The following ACBD5 variants were observed in gnomAD, a reference collection of about 807,000 sequenced individuals.
ACBD5 encodes the protein acyl-CoA-binding domain-containing protein 5.
Under a neutral mutation model 71.8 loss-of-function variants are expected in ACBD5, and 40 were observed. That is an observed-to-expected ratio of 0.56 (90% CI 0.43 to 0.72). The LOEUF (loss-of-function observed/expected upper bound fraction) is 0.72. Among genes scored for constraint, ACBD5 ranks in the 30% least tolerant of loss-of-function variants. The pLI, the probability that ACBD5 is intolerant of heterozygous loss-of-function variation, is 0.00. For missense variants in ACBD5, 559 were observed against 644.5 expected, an observed-to-expected ratio of 0.87 and a Z score of 1.44; for synonymous variants, 229 against 218.6, an observed-to-expected ratio of 1.05 and a Z score of -0.42.
chr10:27,190,895 T>C (rs76659596), downstream of ACBD5, among the ~76,000 whole-genome samples: 26 of 152,300 alleles, frequency 1.7e-4, 1 homozygote, highest in East Asian at 5.0e-3. Flanking sequence ...ACCTAACTTC[T>C]GGCTTGAGCA....
chr10:27,195,578 C>T lies in ACBD5; in HGVS notation c.*1852G>A, dbSNP rs1440653658. 2 of 449,786 alleles carry T rather than the reference C, an allele frequency of 4.4e-6. No homozygotes were observed. Among genetic ancestry groups the T allele is most frequent in the Non-Finnish European group, 8.9e-6 (2 of 225,330 alleles). 27.9% of individuals were successfully genotyped at this position (449,786 alleles called of 1,614,324 possible). ...TTGATATCTCATTTTTGAAAATAAT[C>T]TTTGATCCACAGGTCTAAATGTTAT... On this transcript the variant is annotated 3_prime_UTR_variant, in exon 13 of 13. Transcript: ENST00000396271.
chr10:27,216,248 C>G (rs1034501750), intron 7 of ACBD5, among the ~76,000 whole-genome samples: 4 of 152,046 alleles, frequency 2.6e-5, no homozygotes, highest in African/African-American at 9.7e-5. Flanking sequence ...TCAAGTGATT[C>G]TCCTGCCTCA....
chr10:27,229,955 G>A (rs919913729), intron 4 of ACBD5, among the ~76,000 whole-genome samples: 1 of 152,118 alleles, frequency 6.6e-6, no homozygotes, highest in African/African-American at 2.4e-5. Context: ...AATACACATT[G>A]CCTCATCGTC....
At chr10:27,195,071 C>A, downstream of ACBD5, 1 of 256,752 alleles carries the variant, frequency 3.9e-6, no homozygotes, top group South Asian at 4.1e-5. Flanking sequence ...AAATTTCATC[C>A]CAGTTTCTGA....
chr10:27,182,955 A>G (rs2058411883), intron 13 of ACBD5, among the ~76,000 whole-genome samples: 1 of 152,074 alleles, frequency 6.6e-6, no homozygotes, highest in African/African-American at 2.4e-5. Context: ...TCCTAAAACA[A>G]TCTTGTTAGT....
intron 3 of ACBD5, chr10:27,232,291 A>C (rs990208562): frequency 2.0e-5 from 3 of 152,160 alleles, no homozygotes; most frequent in African/African-American, 7.3e-5. Context: ...GCCTGCTAGA[A>C]AAATTCTAAA....
In ACBD5 at chr10:27,240,291, G is replaced by C. The variant is rs372583233; in HGVS notation, c.181+28C>G. ...GGCTTTGGGGCTCTCTGCAGGAGGCGTCTACAGCCGGGGCCCAGCGCACGT... is the reference window on the plus strand; with the variant it reads ...GGCTTTGGGGCTCTCTGCAGGAGGCCTCTACAGCCGGGGCCCAGCGCACGT... On this transcript the variant is annotated intron_variant, in intron 2 of 12. Coordinates refer to ENST00000396271, the MANE Select transcript of ACBD5 (RefSeq NM_145698.5). The surrounding 1 kb of genome is among the most constrained non-coding windows in gnomAD (Gnocchi z 4.1). 3.1e-6 allele frequency: 5 copies of C among 1,613,894 alleles called. No homozygotes were observed. The African/African-American group carries it at 6.7e-5, about 22-fold the overall frequency.
intron 5 of ACBD5, chr10:27,220,489 T>C (rs1288548969): frequency 6.5e-6 from 1 of 152,684 alleles, no homozygotes; most frequent in Non-Finnish European, 1.5e-5. Flanking sequence ...GATTCTGAAT[T>C]AGTATGTCTA....
intron 4 of ACBD5, among the ~76,000 whole-genome samples, chr10:27,229,193 C>T (rs1324647588): frequency 1.3e-5 from 2 of 151,998 alleles, no homozygotes; most frequent in African/African-American, 4.8e-5. Context: ...TATGAAAAGT[C>T]ACTTTCTACA....
intron 4 of ACBD5, among the ~76,000 whole-genome samples, chr10:27,231,510 C>T (rs577674272): frequency 1.3e-5 from 2 of 152,244 alleles, no homozygotes; most frequent in Admixed American, 6.5e-5. Context: ...GAGAAAGACT[C>T]CATCTCAAAA....
chr10:27,202,912 G>A (rs1024280691), intron 12 of ACBD5, among the ~76,000 whole-genome samples: 1 of 148,904 alleles, frequency 6.7e-6, no homozygotes, highest in Non-Finnish European at 1.5e-5. Flanking sequence ...CATCATAGGA[G>A]GAATTGAAAA....
downstream of ACBD5, among the ~76,000 whole-genome samples, chr10:27,193,744 A>C (rs565932093): frequency 5.3e-4 from 81 of 152,326 alleles, no homozygotes; most frequent in African/African-American, 1.9e-3. Flanking sequence ...GGGAGAAAGA[A>C]AGACAGGAGG....
chr10:27,200,743 G>C (rs1031894581), intron 12 of ACBD5, among the ~76,000 whole-genome samples: 6 of 152,186 alleles, frequency 3.9e-5, no homozygotes, highest in African/African-American at 1.2e-4. Flanking sequence ...ACAGGCGTGA[G>C]CCACCGCGTC....
chr10:27,240,413 G>C lies in ACBD5; in HGVS notation c.87C>G (p.Gly29=). The part of the protein sequence containing the change: ...LIPADRPWDR[G]QHWQLEMADT... ...CCGCCATCTCCAGCTGCCAGTGTTG[G>C]CCCCGGTCCCAAGGTCTGTCGGCGG... Residue 29 remains glycine (G), a synonymous_variant, in exon 2 of 13, where the codon GGC becomes GGG. Coordinates refer to ENST00000396271, the MANE Select transcript of ACBD5 (RefSeq NM_145698.5). This position sits in a 1 kb window ranked among gnomAD's most constrained non-coding sequence, Gnocchi z 4.1. 1 of 1,614,074 alleles carries C rather than the reference G, an allele frequency of 6.2e-7. No homozygotes were observed. Among genetic ancestry groups the C allele is most frequent in the African/African-American group, 1.3e-5 (1 of 75,016 alleles).
Position 27,196,497 on chromosome 10 carries a change from A to C in ACBD5, c.*933T>G. The stretch of plus-strand genomic sequence containing the variant: ...CCCCGAAGGAAAAACTGAGGCACTA[A>C]GAGGTTAAGAGTCCAGTCTATATAG... On this transcript the variant is annotated 3_prime_UTR_variant, in exon 13 of 13. Transcript: ENST00000396271. The C allele has an allele frequency of 4.4e-6, 2 of 454,538 alleles. No individual in the cohort carries two copies. The highest frequency in any genetic ancestry group is 8.8e-6 in the Non-Finnish European group (2 of 226,794). 28.2% of individuals were successfully genotyped at this position (454,538 alleles called of 1,614,324 possible). A position where few individuals can be genotyped will look rare whatever the true frequency, so the allele number is the denominator to read the frequency against.
chr10:27,206,794 G>C (rs528179708), intron 10 of ACBD5, among the ~76,000 whole-genome samples: 1 of 151,944 alleles, frequency 6.6e-6, no homozygotes, highest in African/African-American at 2.4e-5. Context: ...GAAATTACAG[G>C]TGTGAGTCAC....
intron 7 of ACBD5, among the ~76,000 whole-genome samples, chr10:27,217,588 G>T (rs902371480): frequency 1.8e-4 from 27 of 152,262 alleles, no homozygotes; most frequent in African/African-American, 6.0e-4. Flanking sequence ...GCCAAGGCAG[G>T]CAGATCACTT....
intron 13 of ACBD5, among the ~76,000 whole-genome samples, chr10:27,188,030 CA>C (rs1432803690): frequency 6.6e-6 from 1 of 152,180 alleles, no homozygotes; most frequent in Non-Finnish European, 1.5e-5. Flanking sequence ...TCCTTTTGCA[CA>C]TCGGGTTTAG....
intron 7 of ACBD5, among the ~76,000 whole-genome samples, 169 bp from the exon 8 acceptor site, chr10:27,215,810 C>G (rs1320161935): frequency 1.3e-5 from 2 of 151,922 alleles, no homozygotes; most frequent in African/African-American, 4.8e-5. Flanking sequence ...AGTGATTCTC[C>G]TGCCTCAGCC....
Sources: gnomAD v4.1 joint callset for allele counts (sites outside exome capture counted in the v4.1 genomes callset) on GRCh38, gnomAD v4.1.1 for gene constraint, Gnocchi (gnomAD v3.1) non-coding constraint, MANE v1.5 for transcripts, NCBI Gene and HGNC (gene_info 2026-07-23, HGNC 2026-07-21) for gene names.